EYA3: variants seen among roughly 807,000 people sequenced by gnomAD.
EYA3 encodes the protein protein phosphatase EYA3.
EYA3 carries 39 observed loss-of-function variants against 80.0 expected under a neutral mutation model. The ratio of observed to expected loss-of-function variants is 0.49; its 90% confidence interval spans 0.38 to 0.64. The LOEUF (loss-of-function observed/expected upper bound fraction) is 0.64, where lower values mean the gene tolerates loss of function less well. EYA3 is among the 30% of genes least tolerant of loss of function. The probability of loss-of-function intolerance (pLI) is 0.00; values close to 1 mark genes in which losing one functional copy is unlikely to be tolerated. For missense variants in EYA3, 523 were observed against 676.1 expected, an observed-to-expected ratio of 0.77 and a Z score of 2.51; for synonymous variants, 206 against 232.8, an observed-to-expected ratio of 0.88 and a Z score of 1.05.
chr1:27,978,489 A>G lies in EYA3; in HGVS notation c.1541-15T>C. On this transcript the variant is annotated splice_polypyrimidine_tract_variant and intron_variant, in intron 16 of 17. Transcript: ENST00000373871. ...GCTCTCCTTACCTGATGAGAAAAAG[A>G]AATTTCCTGTTAGAATACTCTTCTC... The G allele has an allele frequency of 3.1e-6, 5 of 1,603,054 alleles. No homozygotes were observed. Among genetic ancestry groups the G allele is most frequent in the Non-Finnish European group, 3.4e-6 (4 of 1,170,312 alleles).
intron 8 of EYA3, among the ~76,000 whole-genome samples, chr1:28,015,585 G>C (rs917458228): frequency 6.6e-6 from 1 of 152,018 alleles, no homozygotes; most frequent in Admixed American, 6.6e-5. Flanking sequence ...TCAGTAACAT[G>C]ACAAAAAGTG....
At position 27,998,252 on chromosome 1, in the gene EYA3, T is replaced by G. The variant is rs993695702; in HGVS notation, c.1084-874A>C. ...ACTTTTAAGAAGCTCCCCAGGTGAT[T>G]CTTATGCCCCCTAAAGTTGAGAAGC... On this transcript the variant is annotated intron_variant, in intron 12 of 17. Transcript: ENST00000373871. 8 of 913,550 alleles carry G rather than the reference T, an allele frequency of 8.8e-6. No individual in the cohort carries two copies. In the African/African-American group the frequency reaches 9.0e-5, roughly 10 times the overall value. The allele number at this position is 913,550 out of a possible 1,614,324, so 56.6% of individuals were successfully genotyped here.
At chr1:28,027,027 T>G (rs1642829044) in intron 7 of EYA3, among the ~76,000 whole-genome samples, 1 of 152,172 alleles carries the variant, frequency 6.6e-6, no homozygotes, top group Non-Finnish European at 1.5e-5. Context: ...TACTAATCCC[T>G]CTACTATCTA....
intron 2 of EYA3, among the ~76,000 whole-genome samples, chr1:28,054,936 G>A (rs1644385954): frequency 6.6e-6 from 1 of 152,158 alleles, no homozygotes; most frequent in East Asian, 1.9e-4. Context: ...TTAGATGCTG[G>A]AAACTATAAA....
intron 1 of EYA3, among the ~76,000 whole-genome samples, chr1:28,063,886 C>T (rs1644732624): frequency 2.0e-5 from 3 of 152,070 alleles, no homozygotes; most frequent in Admixed American, 2.0e-4. Context: ...CCTTAAGCAA[C>T]CTACGGTATA....
intron 3 of EYA3, among the ~76,000 whole-genome samples, chr1:28,045,510 T>C (rs1643970019): frequency 1.3e-5 from 2 of 152,190 alleles, no homozygotes; most frequent in Non-Finnish European, 2.9e-5. Context: ...GATATTGCTA[T>C]GATCCAGTAT....
At chr1:28,061,881 G>A (rs999898720) in intron 1 of EYA3, among the ~76,000 whole-genome samples, 3 of 151,574 alleles carry the variant, frequency 2.0e-5, no homozygotes, top group Admixed American at 2.0e-4. Context: ...TTACAGGTGT[G>A]AGCCACCGCG....
chr1:28,013,370 C>G lies in EYA3; in HGVS notation c.586-76G>C. The G allele has an allele frequency of 2.5e-6, 3 of 1,216,656 alleles. No individual in the cohort carries two copies. The South Asian group carries it at 5.8e-5, about 23-fold the overall frequency. 75.4% of individuals were successfully genotyped at this position (1,216,656 alleles called of 1,614,324 possible). A position where few individuals can be genotyped will look rare whatever the true frequency, so the allele number is the denominator to read the frequency against. ...CTCAACACAAGAGGCTTTCTTCTCC[C>G]TCTTTCTTATTCATAATTATTTTTC... On this transcript the variant is annotated intron_variant, in intron 8 of 17. Transcript: ENST00000373871. The surrounding 1 kb of genome is among the most constrained non-coding windows in gnomAD (Gnocchi z 4.0).
At chr1:28,073,114 TA>T (rs1645076473) in intron 1 of EYA3, among the ~76,000 whole-genome samples, 4 of 48,800 alleles carry the variant, frequency 8.2e-5, no homozygotes, top group Non-Finnish European at 1.6e-4. Context: ...TATATATATA[TA>T]TATATATATA....
intron 1 of EYA3, among the ~76,000 whole-genome samples, chr1:28,060,014 T>C (rs1644565899): frequency 6.6e-6 from 1 of 152,242 alleles, no homozygotes; most frequent in African/African-American, 2.4e-5. Flanking sequence ...CCTGGCCAAG[T>C]TGTTGATTTT....
At chr1:28,043,007 G>A (rs192809078) in intron 3 of EYA3, among the ~76,000 whole-genome samples, 2 of 151,972 alleles carry the variant, frequency 1.3e-5, no homozygotes, top group African/African-American at 4.8e-5. Flanking sequence ...ACCATGCCCA[G>A]CTAATTTTTG....
chr1:28,010,240 T>C lies in EYA3; in HGVS notation c.909+707A>G, dbSNP rs939933504. 2.0e-5 allele frequency among the ~76,000 whole-genome samples: 3 copies of C among 152,208 alleles called. No homozygotes were observed. The South Asian group carries it at 6.2e-4, about 31-fold the overall frequency. ...ATTTTAGCACTCTGCATGACCTTTA[T>C]GTCTTTAATGATGAAGTCAAATGTA... On this transcript the variant is annotated intron_variant, in intron 10 of 17. Coordinates refer to ENST00000373871, the MANE Select transcript of EYA3 (RefSeq NM_001990.4).
At chr1:28,018,858 C>A (rs555624546) in intron 7 of EYA3, among the ~76,000 whole-genome samples, 1 of 152,286 alleles carries the variant, frequency 6.6e-6, no homozygotes, top group African/African-American at 2.4e-5. Context: ...AGCAGCTAAG[C>A]TAGGGTTCAA....
chr1:27,975,626 C>T (rs1011411921), intron 17 of EYA3, among the ~76,000 whole-genome samples: 6 of 151,416 alleles, frequency 4.0e-5, no homozygotes, highest in Middle Eastern at 3.2e-3. Flanking sequence ...GCTGGGACTA[C>T]AGGTGCCTGC....
At chr1:28,002,328 C>T (rs746349451) in intron 11 of EYA3, among the ~76,000 whole-genome samples, 4 of 152,102 alleles carry the variant, frequency 2.6e-5, no homozygotes, top group Non-Finnish European at 4.4e-5. Flanking sequence ...GGATTACAGG[C>T]GTGAGCCACC....
Position 28,035,581 on chromosome 1 carries a change from G to GTTTGGGTTGCC in EYA3, c.323_324insGGCAACCCAAA (p.Tyr108Ter), listed in dbSNP as rs1643403170. ...GTCCATACGTTTGGGTTGCCTGAGG[G>GTTTGGGTTGCC]TAGACAGCATAGGGTTGAGTCTGCT... On this transcript the variant is annotated stop_gained and frameshift_variant, in exon 6 of 18. Coordinates refer to ENST00000373871, the MANE Select transcript of EYA3 (RefSeq NM_001990.4). LOFTEE classifies it high-confidence loss of function. 6.2e-7 allele frequency: 1 copy of GTTTGGGTTGCC among 1,613,980 alleles called. No homozygotes were observed. The highest frequency in any genetic ancestry group is 1.7e-5 in the Admixed American group (1 of 60,000).
chr1:28,000,053 G>A lies in EYA3; in HGVS notation c.994-4C>T, dbSNP rs1640720357. ...AGCCAATCACTACTGTTGGGTCCTA[G>A]AAGACAATAAGAAAAAATCAGCTTG... On this transcript the variant is annotated splice_polypyrimidine_tract_variant and splice_region_variant and intron_variant, in intron 11 of 17. Transcript: ENST00000373871. 6.3e-7 allele frequency: 1 copy of A among 1,585,678 alleles called. No individual in the cohort carries two copies.
rs1416144260 is a variant in EYA3, at chr1:28,063,623, C to T, written c.-68-5529G>A. ...TCGGCCTCTCAAAGTGCTGGGATTA[C>T]AGGTGTGAGCCACCACATCCGGCCT... On this transcript the variant is annotated intron_variant, in intron 1 of 17. Coordinates refer to ENST00000373871, the MANE Select transcript of EYA3 (RefSeq NM_001990.4). Among the ~76,000 whole-genome samples, 7 of 152,210 alleles carry T rather than the reference C, an allele frequency of 4.6e-5. No homozygotes were observed. The Middle Eastern group carries it at 0.01, about 222-fold the overall frequency.
chr1:28,026,456 A>T (rs1401947273), intron 7 of EYA3, among the ~76,000 whole-genome samples: 1 of 152,118 alleles, frequency 6.6e-6, no homozygotes, highest in African/African-American at 2.4e-5. Context: ...CCTCTAAAAA[A>T]ATATAGAATA....
Sources: gnomAD v4.1 joint callset for allele counts (sites outside exome capture counted in the v4.1 genomes callset) on GRCh38, gnomAD v4.1.1 for gene constraint, Gnocchi (gnomAD v3.1) non-coding constraint, MANE v1.5 for transcripts, NCBI Gene and HGNC (gene_info 2026-07-23, HGNC 2026-07-21) for gene names.